UBE2G1: variants seen among roughly 807,000 people sequenced by gnomAD.
UBE2G1 encodes ubiquitin conjugating enzyme E2 G1.
UBE2G1 carries 5 observed loss-of-function variants against 22.7 expected under a neutral mutation model. That is an observed-to-expected ratio of 0.22 (90% CI 0.12 to 0.46). The LOEUF is 0.46. UBE2G1 is among the 20% of genes least tolerant of loss of function. The pLI, the probability that UBE2G1 is intolerant of heterozygous loss-of-function variation, is 0.99. For missense variants in UBE2G1, 88 were observed against 203.9 expected (o/e 0.43, Z 3.46); for synonymous variants, 74 against 67.5 (o/e 1.10, Z -0.47).
intron 1 of UBE2G1, among the ~76,000 whole-genome samples, chr17:4,345,269 G>A (rs758823213): frequency 2.6e-5 from 4 of 152,188 alleles, no homozygotes; most frequent in Non-Finnish European, 5.9e-5. Flanking sequence ...TCTCTGCAAT[G>A]TTTAGCCAAA....
chr17:4,320,317 A>G (rs985051578), intron 1 of UBE2G1, among the ~76,000 whole-genome samples: 2 of 152,178 alleles, frequency 1.3e-5, no homozygotes, highest in African/African-American at 2.4e-5. Flanking sequence ...TCTCAAAACT[A>G]TTTAGAGGTT....
chr17:4,364,272 A>C (rs1192094403), intron 1 of UBE2G1: 1 of 145,044 alleles, frequency 6.9e-6, no homozygotes, highest in Non-Finnish European at 1.5e-5. Flanking sequence ...TCAAAAAAAA[A>C]AAAAAAAATG....
intron 2 of UBE2G1, chr17:4,301,879 T>A: frequency 2.0e-6 from 1 of 498,544 alleles, no homozygotes; most frequent in Middle Eastern, 4.6e-4. Context: ...GGCTGTATTC[T>A]AAGATTGAAG....
At chr17:4,303,240 T>A (rs1208997845) in intron 2 of UBE2G1, among the ~76,000 whole-genome samples, 1 of 152,192 alleles carries the variant, frequency 6.6e-6, no homozygotes, top group Non-Finnish European at 1.5e-5. Flanking sequence ...ATTTTTCTGT[T>A]ACTGAGTCCC....
chr17:4,296,575 AG>A (rs1488111823), intron 3 of UBE2G1, 141 bp downstream of exon 3: 3 of 828,936 alleles, frequency 3.6e-6, no homozygotes, highest in Non-Finnish European at 6.0e-6. Context: ...TAAAGGTTTT[AG>A]TACACAGCCA....
chr17:4,292,394 A>G (rs1969053072), intron 3 of UBE2G1, among the ~76,000 whole-genome samples: 1 of 151,822 alleles, frequency 6.6e-6, no homozygotes, highest in African/African-American at 2.4e-5. Context: ...ACTTCTAGCT[A>G]CCTCCTTTTT....
At chr17:4,322,461 G>A (rs902726289) in intron 1 of UBE2G1, among the ~76,000 whole-genome samples, 2 of 152,168 alleles carry the variant, frequency 1.3e-5, no homozygotes, top group Non-Finnish European at 2.9e-5. Flanking sequence ...CTATTTATTT[G>A]TATGTGCTTC....
At chr17:4,362,948 C>T (rs1969986143) in intron 1 of UBE2G1, among the ~76,000 whole-genome samples, 1 of 152,024 alleles carries the variant, frequency 6.6e-6, no homozygotes, top group Non-Finnish European at 1.5e-5. Context: ...CATGGTGAAA[C>T]CCTGTCTCTA....
chr17:4,296,668 A>T, intron 3 of UBE2G1, 49 bp downstream of exon 3: 1 of 1,540,530 alleles, frequency 6.5e-7, no homozygotes, highest in Non-Finnish European at 9.0e-7. Flanking sequence ...ACACTTCAAT[A>T]ACAGGCCATC....
intron 1 of UBE2G1, among the ~76,000 whole-genome samples, chr17:4,308,672 T>C (rs1374661832): frequency 1.3e-5 from 2 of 152,228 alleles, no homozygotes; most frequent in South Asian, 2.1e-4. Flanking sequence ...GAGTACTCAT[T>C]GGCTCAAATT....
intron 1 of UBE2G1, among the ~76,000 whole-genome samples, chr17:4,322,305 G>A (rs550455399): frequency 6.6e-6 from 1 of 152,260 alleles, no homozygotes; most frequent in South Asian, 2.1e-4. Flanking sequence ...TTCCAAAGGG[G>A]AACAACAGGT....
intron 1 of UBE2G1, among the ~76,000 whole-genome samples, chr17:4,353,438 G>C (rs932110435): frequency 6.8e-6 from 1 of 146,552 alleles, no homozygotes; most frequent in Non-Finnish European, 1.5e-5. Flanking sequence ...TATATATATA[G>C]AGTTTCGTTG....
chr17:4,319,337 G>A (rs1376959266), intron 1 of UBE2G1, among the ~76,000 whole-genome samples: 1 of 152,170 alleles, frequency 6.6e-6, no homozygotes, highest in African/African-American at 2.4e-5. Context: ...AGGTGGGTGG[G>A]TGGAACCAAC....
At chr17:4,317,663 C>T (rs1165654496) in intron 1 of UBE2G1, among the ~76,000 whole-genome samples, 2 of 152,224 alleles carry the variant, frequency 1.3e-5, no homozygotes, top group Non-Finnish European at 2.9e-5. Flanking sequence ...AAGGGATTTG[C>T]TTGGCAGAAT....
intron 3 of UBE2G1, among the ~76,000 whole-genome samples, chr17:4,290,496 G>A (rs575455404): frequency 6.6e-6 from 1 of 152,206 alleles, no homozygotes; most frequent in Non-Finnish European, 1.5e-5. Flanking sequence ...TTTTGAGACA[G>A]GGCCTCACTT....
intron 3 of UBE2G1, among the ~76,000 whole-genome samples, chr17:4,291,108 C>T (rs139055346): frequency 0.033 from 5,000 of 152,266 alleles, 306 homozygotes; most frequent in African/African-American, 0.11. Context: ...CGCCTGTAAT[C>T]CCAACAGTTT....
chr17:4,327,520 A>G (rs1969516338), intron 1 of UBE2G1, among the ~76,000 whole-genome samples: 1 of 152,150 alleles, frequency 6.6e-6, no homozygotes, highest in Non-Finnish European at 1.5e-5. Context: ...AGTCAAACTC[A>G]GAGAGAGAAA....
At position 4,272,205 on chromosome 17, in the gene UBE2G1, T is replaced by C. The variant is rs1217339312; in HGVS notation, c.*349A>G. 1 of 152,708 alleles carries C rather than the reference T, an allele frequency of 6.5e-6. No homozygotes were observed. Among genetic ancestry groups the C allele is most frequent in the Non-Finnish European group, 1.5e-5 (1 of 68,050 alleles). 9.5% of individuals were successfully genotyped at this position (152,708 alleles called of 1,614,324 possible). ...CTCTTAGAATTTACACGATTCTTAT[T>C]CTACTACAAGAAAGCATTATTTGGT... On this transcript the variant is annotated 3_prime_UTR_variant, in exon 6 of 6. Transcript: ENST00000396981.
chr17:4,289,673 T>C (rs1174738573), intron 3 of UBE2G1, among the ~76,000 whole-genome samples: 1 of 152,208 alleles, frequency 6.6e-6, no homozygotes, highest in East Asian at 1.9e-4. Context: ...ATCTAGCACG[T>C]AGATGGTGCC....
Sources: allele counts gnomAD v4.1 joint callset (sites outside exome capture counted in the v4.1 genomes callset), GRCh38; gene constraint gnomAD v4.1.1; transcripts MANE v1.5; gene names NCBI Gene and HGNC (gene_info 2026-07-23, HGNC 2026-07-21).